SLC26A11: variants seen among roughly 807,000 people sequenced by gnomAD.
SLC26A11 encodes the protein sodium-independent sulfate anion transporter.
A neutral mutation model predicts 62.2 loss-of-function variants in SLC26A11; 58 were observed. That is an observed-to-expected ratio of 0.93 (90% CI 0.76 to 1.16). SLC26A11 has a LOEUF of 1.16. Ranked by LOEUF, SLC26A11 falls within the 50% of genes most tolerant of loss-of-function variation. The probability of loss-of-function intolerance (pLI) is 0.00; values close to 1 mark genes in which losing one functional copy is unlikely to be tolerated. For missense variants in SLC26A11, 790 were observed against 794.3 expected, an observed-to-expected ratio of 0.99 and a Z score of 0.06; for synonymous variants, 411 against 368.9, an observed-to-expected ratio of 1.11 and a Z score of -1.31.
chr17:80,230,947 G>C (rs2042548673), intron 7 of SLC26A11, among the ~76,000 whole-genome samples: 1 of 152,162 alleles, frequency 6.6e-6, no homozygotes, highest in Admixed American at 6.5e-5. Context: ...GGAAGAGGCA[G>C]AACAAGGACT....
intron 16 of SLC26A11, among the ~76,000 whole-genome samples, chr17:80,249,513 T>C (rs1431154347): frequency 2.0e-5 from 3 of 152,238 alleles, no homozygotes; most frequent in Non-Finnish European, 4.4e-5. Flanking sequence ...GGTCACGTTA[T>C]GGCTTCTGGT....
intron 5 of SLC26A11, 67 bp from the exon 6 acceptor site, chr17:80,225,770 G>T: frequency 7.2e-7 from 1 of 1,388,324 alleles, no homozygotes; most frequent in Non-Finnish European, 1.0e-6. Flanking sequence ...AGGTGGGCGG[G>T]GAGCTGGGGA....
chr17:80,248,407 C>T, intron 14 of SLC26A11, 150 bp downstream of exon 14: 5 of 1,314,538 alleles, frequency 3.8e-6, no homozygotes, highest in Non-Finnish European at 5.1e-6. Context: ...TTGCTATAAA[C>T]CATGGTGTTC....
chr17:80,235,054 T>A (rs4889842), intron 7 of SLC26A11, among the ~76,000 whole-genome samples: 69,507 of 151,898 alleles, frequency 0.46, 16,056 homozygotes, highest in East Asian at 0.61. Context: ...TTCACTGTGT[T>A]GGCTGGGCCA....
At chr17:80,251,762 CAA>C (rs113713263) in intron 17 of SLC26A11, among the ~76,000 whole-genome samples, 7 of 112,326 alleles carry the variant, frequency 6.2e-5, no homozygotes, top group Admixed American at 9.8e-5. Flanking sequence ...GACTCTGTCT[CAA>C]AAAAAAAAAA....
At chr17:80,226,156 A>G (rs1237918503) in intron 6 of SLC26A11, among the ~76,000 whole-genome samples, 2 of 152,070 alleles carry the variant, frequency 1.3e-5, no homozygotes, top group African/African-American at 4.8e-5. Context: ...GGAGAGTTCA[A>G]GAAGCTCTGC....
Position 80,237,268 on chromosome 17 carries a change from G to A in SLC26A11, c.912+165G>A, listed in dbSNP as rs769647266. ...GTTATTAAAGAATCCCAGGTTGGAT[G>A]CAAACTCAGCGAGCTCAGGGATGTC... On this transcript the variant is annotated intron_variant, in intron 8 of 17. Transcript: ENST00000361193. 14 of 926,538 alleles carry A rather than the reference G, an allele frequency of 1.5e-5. No homozygotes were observed. In the Admixed American group the frequency reaches 3.5e-4, roughly 23 times the overall value. 57.4% of individuals were successfully genotyped at this position (926,538 alleles called of 1,614,324 possible). A position where few individuals can be genotyped will look rare whatever the true frequency, so the allele number is the denominator to read the frequency against.
Position 80,228,634 on chromosome 17 carries a change from A to G in SLC26A11, c.736+674A>G, listed in dbSNP as rs934574371. ...TGCTGGCAACTAGCGAGGAGGGGCC[A>G]GGAATGCCACTAAGCCCCTGACGGC... On this transcript the variant is annotated intron_variant, in intron 7 of 17. Coordinates refer to ENST00000361193, the MANE Select transcript of SLC26A11 (RefSeq NM_001166347.2). The surrounding 1 kb of genome is among the most constrained non-coding windows in gnomAD (Gnocchi z 4.1). 6.6e-6 allele frequency among the ~76,000 whole-genome samples: 1 copy of G among 152,252 alleles called. No individual in the cohort carries two copies. The highest frequency in any genetic ancestry group is 1.5e-5 in the Non-Finnish European group (1 of 68,048).
chr17:80,229,451 A>G (rs199958464), intron 7 of SLC26A11, among the ~76,000 whole-genome samples: 1 of 148,978 alleles, frequency 6.7e-6, no homozygotes, highest in South Asian at 2.1e-4. Flanking sequence ...TTTTTTTTGG[A>G]GACGGTGTCT....
chr17:80,225,893 C>G lies in SLC26A11; in HGVS notation c.570C>G (p.Thr190=). 6.2e-7 allele frequency: 1 copy of G among 1,614,032 alleles called. No homozygotes were observed. Among genetic ancestry groups the G allele is most frequent in the Non-Finnish European group, 8.5e-7 (1 of 1,179,936 alleles). ...PRPFFLQVYH[T]FLRIAETRVG... ...CGTTCTTCCTGCAGGTGTACCACAC[C>G]TTCCTCAGGATTGCAGAGACCAGGT... The change falls in exon 6 of 18, where the codon ACC becomes ACG. Residue 190 remains threonine (T), a synonymous_variant. Coordinates refer to ENST00000361193, the MANE Select transcript of SLC26A11 (RefSeq NM_001166347.2).
At chr17:80,250,880 C>T (rs922755974) in intron 16 of SLC26A11, among the ~76,000 whole-genome samples, 7 of 151,956 alleles carry the variant, frequency 4.6e-5, no homozygotes, top group African/African-American at 1.5e-4. Context: ...GTGGCTCACA[C>T]CTGTAATCCC....
Position 80,252,517 on chromosome 17 carries a change from G to A in SLC26A11, c.1730-108G>A. On this transcript the variant is annotated intron_variant, in intron 17 of 17. Coordinates refer to ENST00000361193, the MANE Select transcript of SLC26A11 (RefSeq NM_001166347.2). The surrounding 1 kb of genome is among the most constrained non-coding windows in gnomAD (Gnocchi z 5.2). ...CCTGGGTGGCCCACAGCTCCTTCCT[G>A]CACACCTTCCAGGACTCTGGAAGGC... The A allele has an allele frequency of 1.0e-6, 1 of 993,834 alleles. No homozygotes were observed. The highest frequency in any genetic ancestry group is 1.5e-6 in the Non-Finnish European group (1 of 673,758). The allele number at this position is 993,834 out of a possible 1,614,324, so 61.6% of individuals were successfully genotyped here.
rs751507304 is a variant in SLC26A11 at position 80,227,933 on chromosome 17, C to T, written c.709C>T (p.Arg237Cys). 2.3e-5 allele frequency: 37 copies of T among 1,600,652 alleles called. No individual in the cohort carries two copies. The highest frequency in any genetic ancestry group is 3.3e-5 in the Admixed American group (2 of 59,960). Residue 237 changes from arginine (R) to cysteine (C), a missense_variant, in exon 7 of 18, where the codon CGT becomes TGT. Coordinates refer to ENST00000361193, the MANE Select transcript of SLC26A11 (RefSeq NM_001166347.2). ...GATGCCCCCTGGTGTGCGGCTCAGC[C>T]GTGGGCTGGTCTGGGCTGCCACGAC... ...PEMPPGVRLS[R>C]GLVWAATTAR...
chr17:80,239,539 G>A (rs538629066), intron 9 of SLC26A11, among the ~76,000 whole-genome samples: 2,393 of 151,982 alleles, frequency 0.016, 22 homozygotes, highest in Middle Eastern at 0.038. Flanking sequence ...ACAGGCGTCC[G>A]CCACCACGCC....
intron 7 of SLC26A11, among the ~76,000 whole-genome samples, chr17:80,235,943 T>G (rs1048787603): frequency 3.3e-5 from 5 of 152,230 alleles, no homozygotes; most frequent in African/African-American, 1.2e-4. Flanking sequence ...TTCATTTACA[T>G]GGTCAATGTC....
rs1461826015 is a variant in SLC26A11, at chr17:80,252,476, G to C, written c.1730-149G>C. ...CAGAGACTCAGGTGAGACCCTCATGGAGTTAGTGACACTGGCCTGGGTGGC... is the reference window on the plus strand; with the variant it reads ...CAGAGACTCAGGTGAGACCCTCATGCAGTTAGTGACACTGGCCTGGGTGGC... On this transcript the variant is annotated intron_variant, in intron 17 of 17. Transcript: ENST00000361193. This position sits in a 1 kb window ranked among gnomAD's most constrained non-coding sequence, Gnocchi z 5.2. 1 of 597,346 alleles carries C rather than the reference G, an allele frequency of 1.7e-6. No homozygotes were observed. The highest frequency in any genetic ancestry group is 1.9e-5 in the African/African-American group (1 of 53,010). The allele number at this position is 597,346 out of a possible 1,614,324, so 37.0% of individuals were successfully genotyped here. A position where few individuals can be genotyped will look rare whatever the true frequency, so the allele number is the denominator to read the frequency against.
rs531057270 is a variant in SLC26A11 at position 80,221,558 on chromosome 17, G to T, written c.-3G>T. On this transcript the variant is annotated 5_prime_UTR_variant, in exon 3 of 18. Coordinates refer to ENST00000361193, the MANE Select transcript of SLC26A11 (RefSeq NM_001166347.2). ...ACCTGCACCCCCCAGCCCCACCGTA[G>T]AGATGCCTTCTTCGGTGACGGCGCT... The T allele has an allele frequency of 8.8e-6, 14 of 1,587,898 alleles. No individual in the cohort carries two copies. The South Asian group carries it at 1.6e-4, about 18-fold the overall frequency.
In SLC26A11 at chr17:80,252,926, A is replaced by G; in HGVS notation, c.*210A>G. ...CTTCCTGTGGGATGACTGGAAAATG[A>G]CCTCGCTGCTGTTCCCTGGCATGAC... is the stretch of plus-strand genomic sequence containing the variant. On this transcript the variant is annotated 3_prime_UTR_variant, in exon 18 of 18. Transcript: ENST00000361193. The surrounding 1 kb of genome is among the most constrained non-coding windows in gnomAD (Gnocchi z 5.2). 1 of 518,090 alleles carries G rather than the reference A, an allele frequency of 1.9e-6. No homozygotes were observed. The highest frequency in any genetic ancestry group is 3.5e-6 in the Non-Finnish European group (1 of 288,284). 32.1% of individuals were successfully genotyped at this position (518,090 alleles called of 1,614,324 possible).
At position 80,228,998 on chromosome 17, in the gene SLC26A11, G is replaced by A. The variant is rs887282194; in HGVS notation, c.736+1038G>A. ...GGCATGGGTCCCCTGGCTGAGCACC[G>A]GGCAGGGATGCCCAGAGAAGAAGGC... On this transcript the variant is annotated intron_variant, in intron 7 of 17. Transcript: ENST00000361193. This position sits in a 1 kb window ranked among gnomAD's most constrained non-coding sequence, Gnocchi z 4.1. 6.6e-6 allele frequency among the ~76,000 whole-genome samples: 1 copy of A among 152,172 alleles called. No individual in the cohort carries two copies. The highest frequency in any genetic ancestry group is 1.5e-5 in the Non-Finnish European group (1 of 68,018).
Sources: allele counts gnomAD v4.1 joint callset (sites outside exome capture counted in the v4.1 genomes callset), GRCh38; gene constraint gnomAD v4.1.1; non-coding constraint Gnocchi (gnomAD v3.1); transcripts MANE v1.5; gene names NCBI Gene and HGNC (gene_info 2026-07-23, HGNC 2026-07-21).